Variants in TMEM108 observed in about 807,000 individuals in gnomAD.
TMEM108 encodes transmembrane protein 108, also known as cancer/testis antigen 124.
A neutral mutation model predicts 35.1 loss-of-function variants in TMEM108; 12 were observed. The observed-to-expected ratio is 0.34, with a 90% CI of 0.22 to 0.55. The LOEUF is 0.55. TMEM108 is among the 20% of genes least tolerant of loss of function. The pLI, the probability that TMEM108 is intolerant of heterozygous loss-of-function variation, is 0.89. For synonymous variants in TMEM108, 287 were observed against 308.6 expected (o/e 0.93, Z 0.73); for missense variants, 680 against 753.3 (o/e 0.90, Z 1.14).
intron 3 of TMEM108, among the ~76,000 whole-genome samples, chr3:133,278,842 A>G (rs1946872412): frequency 6.6e-6 from 1 of 152,158 alleles, no homozygotes; most frequent in African/African-American, 2.4e-5. Flanking sequence ...ATCACCAGGG[A>G]TAAAACGAAT....
intron 3 of TMEM108, among the ~76,000 whole-genome samples, chr3:133,230,769 G>T (rs1408208695): frequency 6.6e-6 from 1 of 152,170 alleles, no homozygotes; most frequent in Non-Finnish European, 1.5e-5. Flanking sequence ...TAATATTTTA[G>T]GGTCGTATGT....
chr3:133,223,960 T>A (rs1182735559), intron 2 of TMEM108, among the ~76,000 whole-genome samples: 5 of 152,200 alleles, frequency 3.3e-5, no homozygotes, highest in Non-Finnish European at 7.3e-5. Flanking sequence ...TGATCCCAAA[T>A]CTCCTAGATT....
At chr3:133,336,222 G>C (rs897723432) in intron 3 of TMEM108, among the ~76,000 whole-genome samples, 4 of 152,140 alleles carry the variant, frequency 2.6e-5, no homozygotes, top group Non-Finnish European at 4.4e-5. Flanking sequence ...TGAGACACCA[G>C]CTGGGAGTGC....
rs919163100 is a variant in TMEM108, at chr3:133,229,199, T to C, written c.-46-67T>C. ...GCATTATAACCAAGATCCTATTGAG[T>C]GGAGTTATTTCTGATTTTTAAATTA... On this transcript the variant is annotated intron_variant, in intron 2 of 5. Transcript: ENST00000321871. 6 of 1,030,500 alleles carry C rather than the reference T, an allele frequency of 5.8e-6. No homozygotes were observed. The East Asian group carries it at 7.4e-5, about 13-fold the overall frequency. The allele number at this position is 1,030,500 out of a possible 1,614,324, so 63.8% of individuals were successfully genotyped here.
In TMEM108 at chr3:133,381,078, C is replaced by A; in HGVS notation, c.1367C>A (p.Pro456Gln). Residue 456 changes from proline to glutamine, a missense_variant, in exon 4 of 6, where the codon CCG becomes CAG. Physicochemically the swap from Pro to Gln is moderately conservative, Grantham distance 76 (BLOSUM62 -1). Transcript: ENST00000321871. ...TCCCATGTGGCCGAGGGGGACAAACCGCAGCACAGAGCCACCATCTGCCTG... is the reference window on the plus strand; with the variant it reads ...TCCCATGTGGCCGAGGGGGACAAACAGCAGCACAGAGCCACCATCTGCCTG... Reference protein sequence around the residue: ...NISHVAEGDKPQHRATICLSK... With the variant: ...NISHVAEGDKQQHRATICLSK... 6.2e-7 allele frequency: 1 copy of A among 1,614,142 alleles called. No individual in the cohort carries two copies. Among genetic ancestry groups the A allele is most frequent in the Non-Finnish European group, 8.5e-7 (1 of 1,180,016 alleles).
intron 2 of TMEM108, among the ~76,000 whole-genome samples, chr3:133,123,504 G>A (rs1410404035): frequency 2.0e-5 from 3 of 152,112 alleles, no homozygotes; most frequent in African/African-American, 7.2e-5. Context: ...CACTAAATAT[G>A]ACAAAAATTT....
intron 2 of TMEM108, among the ~76,000 whole-genome samples, chr3:133,211,131 C>G (rs750424194): frequency 6.6e-6 from 1 of 152,114 alleles, no homozygotes; most frequent in Non-Finnish European, 1.5e-5. Context: ...TTATTAATGA[C>G]TATAATATTA....
At chr3:133,152,754 T>C (rs1218398258) in intron 2 of TMEM108, among the ~76,000 whole-genome samples, 2 of 152,150 alleles carry the variant, frequency 1.3e-5, no homozygotes, top group Admixed American at 6.6e-5. Flanking sequence ...CTAAGCCTTT[T>C]AAAAGAGAAC....
At position 133,144,435 on chromosome 3, in the gene TMEM108, G is replaced by A. The variant is rs190704733; in HGVS notation, c.-46-84831G>A. On this transcript the variant is annotated intron_variant, in intron 2 of 5. Transcript: ENST00000321871. ...GTGAATAGTGCTGCAATAAACATACGTGTGCATGTGTCTTTATAGTAGAAT... is the reference window on the plus strand; with the variant it reads ...GTGAATAGTGCTGCAATAAACATACATGTGCATGTGTCTTTATAGTAGAAT... 1.5e-4 allele frequency among the ~76,000 whole-genome samples: 23 copies of A among 152,222 alleles called. No homozygotes were observed. In the East Asian group the frequency reaches 3.7e-3, roughly 24 times the overall value.
chr3:133,370,010 A>G (rs138098123), intron 3 of TMEM108, among the ~76,000 whole-genome samples: 7 of 152,324 alleles, frequency 4.6e-5, no homozygotes, highest in African/African-American at 1.7e-4. Context: ...AAGTTGCAAC[A>G]GTAGTGCAGA....
Position 133,239,591 on chromosome 3 carries a change from C to T in TMEM108, c.40+10240C>T, listed in dbSNP as rs74954353. ...TAAACTTTAGTGCACAACAGAATCA[C>T]CTTAAGGGCTTATTTAAACACTGAT... On this transcript the variant is annotated intron_variant, in intron 3 of 5. Transcript: ENST00000321871. Among the ~76,000 whole-genome samples, 966 of 152,272 alleles carry T rather than the reference C, an allele frequency of 6.3e-3. 12 individuals are homozygous for T. The highest frequency in any genetic ancestry group is 5.1e-3 in the Non-Finnish European group (349 of 68,030).
intron 2 of TMEM108, among the ~76,000 whole-genome samples, chr3:133,053,933 A>G (rs1240465303): frequency 6.6e-6 from 1 of 152,208 alleles, no homozygotes; most frequent in African/African-American, 2.4e-5. Flanking sequence ...AGTAACTATC[A>G]TCCTGATGGT....
intron 2 of TMEM108, among the ~76,000 whole-genome samples, chr3:133,167,353 C>G (rs1281631514): frequency 6.6e-6 from 1 of 152,270 alleles, no homozygotes; most frequent in Admixed American, 6.5e-5. Context: ...GGATCCTGCT[C>G]CAGGGCCATG....
In TMEM108 at chr3:133,181,106, G is replaced by A. The variant is rs554494674; in HGVS notation, c.-46-48160G>A. Among the ~76,000 whole-genome samples, 10 of 144,988 alleles carry A rather than the reference G, an allele frequency of 6.9e-5. No homozygotes were observed. The South Asian group carries it at 1.4e-3, about 20-fold the overall frequency. The stretch of plus-strand genomic sequence containing the variant: ...AGAGACCTTTTCTCAATTGTCTTTC[G>A]ATAAAGATAATACATATTAGATAAA... On this transcript the variant is annotated intron_variant, in intron 2 of 5. Transcript: ENST00000321871.
chr3:133,134,224 A>G (rs1944532795), intron 2 of TMEM108, among the ~76,000 whole-genome samples: 1 of 152,064 alleles, frequency 6.6e-6, no homozygotes, highest in South Asian at 2.1e-4. Context: ...GTCCTTTGCA[A>G]TTTATTGAGG....
intron 2 of TMEM108, among the ~76,000 whole-genome samples, chr3:133,103,410 A>G (rs1465009619): frequency 6.6e-6 from 1 of 152,166 alleles, no homozygotes; most frequent in Non-Finnish European, 1.5e-5. Context: ...ATAGAGGGAA[A>G]CAGCACACAC....
intron 3 of TMEM108, among the ~76,000 whole-genome samples, chr3:133,253,909 A>G (rs960108860): frequency 9.2e-5 from 14 of 152,240 alleles, no homozygotes; most frequent in Admixed American, 2.0e-4. Context: ...ATAGTTCAAA[A>G]TAATTCCAAC....
chr3:133,066,581 A>G (rs1943611088), intron 2 of TMEM108, among the ~76,000 whole-genome samples: 1 of 152,154 alleles, frequency 6.6e-6, no homozygotes, highest in African/African-American at 2.4e-5. Context: ...CCTCTATTCC[A>G]TTACGTGATA....
intron 2 of TMEM108, among the ~76,000 whole-genome samples, chr3:133,185,066 A>G (rs949326253): frequency 2.4e-4 from 37 of 152,314 alleles, no homozygotes; most frequent in African/African-American, 8.4e-4. Flanking sequence ...ATCATTTTCC[A>G]TTATATTCCT....
Sources: allele counts gnomAD v4.1 joint callset (sites outside exome capture counted in the v4.1 genomes callset), GRCh38; gene constraint gnomAD v4.1.1; transcripts MANE v1.5; gene names NCBI Gene and HGNC (gene_info 2026-07-23, HGNC 2026-07-21).